The following TTC34 variants were observed in gnomAD, a reference collection of about 807,000 sequenced individuals.
TTC34 encodes tetratricopeptide repeat domain 34.
Under a neutral mutation model 40.7 loss-of-function variants are expected in TTC34, and 44 were observed. The observed-to-expected ratio is 1.08, with a 90% confidence interval of 0.85 to 1.39. The LOEUF (loss-of-function observed/expected upper bound fraction) is 1.39. TTC34 is among the 40% of genes most tolerant of loss of function. TTC34 has a pLI of 0.00. For synonymous variants in TTC34, 422 were observed against 398.6 expected (o/e 1.06, Z -0.70); for missense variants, 884 against 838.0 (o/e 1.05, Z -0.68).
intron 6 of TTC34, among the ~76,000 whole-genome samples, chr1:2,752,781 T>G (rs1641366912): frequency 1.8e-5 from 2 of 113,578 alleles, no homozygotes; most frequent in South Asian, 3.2e-4. Flanking sequence ...TACGCCCAGA[T>G]AAGCATGTGA....
chr1:2,685,040 AC>A (rs2100333390), intron 6 of TTC34, among the ~76,000 whole-genome samples: 1 of 21,304 alleles, frequency 4.7e-5, no homozygotes, highest in East Asian at 1.6e-3. Context: ...ACCCACACCC[AC>A]AGGTGAGCAT....
intron 6 of TTC34, among the ~76,000 whole-genome samples, chr1:2,685,055 A>G (rs1640263343): frequency 7.0e-6 from 1 of 143,448 alleles, no homozygotes; most frequent in Non-Finnish European, 1.5e-5. Flanking sequence ...TGAGCATCTG[A>G]CAGCCTGGAA....
intron 6 of TTC34, among the ~76,000 whole-genome samples, chr1:2,681,064 A>C (rs796820602): frequency 0.036 from 528 of 14,556 alleles, no homozygotes; most frequent in South Asian, 0.055. Flanking sequence ...GTGCCCACAC[A>C]CCCAGGCGAG....
chr1:2,760,040 A>AGCC (rs1641644744), intron 6 of TTC34, among the ~76,000 whole-genome samples: 4 of 84,124 alleles, frequency 4.8e-5, no homozygotes, highest in Admixed American at 1.1e-4. Flanking sequence ...CAGCGCCCAC[A>AGCC]CACCCAAGTG....
chr1:2,788,323 T>C (rs947102623), intron 3 of TTC34, among the ~76,000 whole-genome samples: 1 of 151,480 alleles, frequency 6.6e-6, no homozygotes, highest in Non-Finnish European at 1.5e-5. Flanking sequence ...GTGTGTTGTA[T>C]GTGTGTTATG....
chr1:2,761,162 C>CACAA (rs1641673621), intron 6 of TTC34, among the ~76,000 whole-genome samples: 2 of 36,674 alleles, frequency 5.5e-5, no homozygotes, highest in Non-Finnish European at 4.3e-5. Flanking sequence ...AGCGCCGACC[C>CACAA]CCCCAGGGTG....
At chr1:2,699,163 A>T (rs1162965123) in intron 6 of TTC34, among the ~76,000 whole-genome samples, 1,128 of 69,774 alleles carry the variant, frequency 0.016, no homozygotes, top group Non-Finnish European at 0.021. Flanking sequence ...GTGGAGCAGC[A>T]CCCACAGCCC....
intron 6 of TTC34, among the ~76,000 whole-genome samples, chr1:2,777,634 T>C (rs1355678098): frequency 7.0e-6 from 1 of 143,632 alleles, no homozygotes; most frequent in Non-Finnish European, 1.5e-5. Context: ...GAGTCAGAGC[T>C]CACAGCCTTG....
intron 6 of TTC34, among the ~76,000 whole-genome samples, chr1:2,768,245 T>C (rs966047107): frequency 1.6e-4 from 21 of 134,086 alleles, no homozygotes; most frequent in Non-Finnish European, 3.0e-4. Context: ...GGGAGTGCCA[T>C]TCCAGGCTGC....
chr1:2,686,207 G>T (rs1309136679), intron 6 of TTC34, among the ~76,000 whole-genome samples: 12 of 145,446 alleles, frequency 8.3e-5, no homozygotes, highest in African/African-American at 3.2e-4. Flanking sequence ...ACACCCCCAG[G>T]CGAGCATCTG....
chr1:2,750,807 C>A (rs1385113954), intron 6 of TTC34, among the ~76,000 whole-genome samples: 1 of 131,734 alleles, frequency 7.6e-6, no homozygotes, highest in Admixed American at 7.7e-5. Context: ...GCGCCCACAC[C>A]CCCAGGCGAG....
At chr1:2,699,610 A>G in intron 6 of TTC34, among the ~76,000 whole-genome samples, 1 of 116,748 alleles carries the variant, frequency 8.6e-6, no homozygotes, top group Non-Finnish European at 2.0e-5. Flanking sequence ...AGCAGCACCC[A>G]CACACCCAGG....
intron 6 of TTC34, among the ~76,000 whole-genome samples, chr1:2,691,616 C>G (rs867502477): frequency 3.4e-5 from 4 of 118,968 alleles, no homozygotes; most frequent in East Asian, 2.5e-4. Flanking sequence ...TGGAACAGCA[C>G]CCTGCACCCC....
At chr1:2,683,685 G>A (rs370067570) in intron 6 of TTC34, among the ~76,000 whole-genome samples, 1 of 23,494 alleles carries the variant, frequency 4.3e-5, no homozygotes, top group Non-Finnish European at 7.7e-5. Flanking sequence ...CCCAGGTGAC[G>A]ATCTGACAGC....
rs550338955 is a variant in TTC34 at position 2,691,621 on chromosome 1, C to A, written c.2227-46058G>T. ...CCTGACAGCCTGGAACAGCACCCTGCACCCCCAGGTGCGCACGTGACAGCC... is the reference window on the plus strand; with the variant it reads ...CCTGACAGCCTGGAACAGCACCCTGAACCCCCAGGTGCGCACGTGACAGCC... On this transcript the variant is annotated intron_variant, in intron 6 of 8. Coordinates refer to ENST00000401095, the Ensembl canonical transcript of TTC34. Among the ~76,000 whole-genome samples, 362 of 94,484 alleles carry A rather than the reference C, an allele frequency of 3.8e-3. 41 individuals are homozygous for A. The highest frequency in any genetic ancestry group is 0.014 in the Middle Eastern group (2 of 146). The allele number at this position is 94,484 out of a possible 152,430, so 62.0% of individuals were successfully genotyped here. A position where few individuals can be genotyped will look rare whatever the true frequency, so the allele number is the denominator to read the frequency against.
chr1:2,696,362 A>T (rs1258412062), intron 6 of TTC34, among the ~76,000 whole-genome samples: 100 of 108,736 alleles, frequency 9.2e-4, no homozygotes, highest in Non-Finnish European at 1.2e-3. Flanking sequence ...CCACACCCCC[A>T]GGCGAGGATC....
chr1:2,681,149 G>A (rs1192498676), intron 6 of TTC34, among the ~76,000 whole-genome samples: 3 of 117,312 alleles, frequency 2.6e-5, no homozygotes, highest in Non-Finnish European at 3.6e-5. Context: ...CACAGCCCAA[G>A]GTGAGCATCT....
intron 6 of TTC34, chr1:2,776,114 A>T (rs1643134192): frequency 7.3e-6 from 1 of 136,538 alleles, no homozygotes; most frequent in African/African-American, 3.1e-5. Context: ...AGTGGGAAAA[A>T]GCTCCCCGCC....
intron 6 of TTC34, among the ~76,000 whole-genome samples, chr1:2,683,397 G>A (rs1640167134): frequency 7.1e-6 from 1 of 140,298 alleles, no homozygotes; most frequent in Non-Finnish European, 1.5e-5. Flanking sequence ...CACACGCCCA[G>A]GTGAGCATCC....
Sources: allele counts gnomAD v4.1 joint callset (sites outside exome capture counted in the v4.1 genomes callset), GRCh38; gene constraint gnomAD v4.1.1; transcripts MANE v1.5; gene names NCBI Gene and HGNC (gene_info 2026-07-23, HGNC 2026-07-21).